The following STK31 variants were observed in gnomAD, a reference collection of about 807,000 sequenced individuals.
The protein encoded by STK31 is serine/threonine kinase 31, also known as serine/threonine-protein kinase 31.
Under a neutral mutation model 129.7 loss-of-function variants are expected in STK31, and 89 were observed. The observed-to-expected ratio is 0.69, with a 90% CI of 0.58 to 0.82. STK31 has a LOEUF of 0.82. Among genes scored for constraint, STK31 ranks in the 40% least tolerant of loss-of-function variants. STK31 has a pLI of 0.00. For missense variants in STK31, 1,187 were observed against 1,176.4 expected (o/e 1.01, Z -0.13); for synonymous variants, 448 against 395.3 (o/e 1.13, Z -1.58).
intron 6 of STK31, among the ~76,000 whole-genome samples, chr7:23,730,856 T>TTATACATA: frequency 1.3e-5 from 1 of 75,240 alleles, no homozygotes; most frequent in Admixed American, 2.0e-4. Flanking sequence ...ATATAAACAT[T>TTATACATA]TATATATATA....
At position 23,710,271 on chromosome 7, in the gene STK31, G is replaced by T; in HGVS notation, c.-15G>T. On this transcript the variant is annotated 5_prime_UTR_variant, in exon 1 of 24. Transcript: ENST00000355870. Reference sequence around the variant, plus strand: ...TGCACGTGTGCTACGGCGGGCGGAGGGCCGAAAGTCCAGTATGTGGGTCCA... The same window carrying T: ...TGCACGTGTGCTACGGCGGGCGGAGTGCCGAAAGTCCAGTATGTGGGTCCA... 6.2e-7 allele frequency: 1 copy of T among 1,611,552 alleles called. No individual in the cohort carries two copies. The highest frequency in any genetic ancestry group is 8.5e-7 in the Non-Finnish European group (1 of 1,179,676).
intron 22 of STK31, among the ~76,000 whole-genome samples, chr7:23,802,015 T>C (rs560078618): frequency 6.6e-6 from 1 of 152,336 alleles, no homozygotes; most frequent in African/African-American, 2.4e-5. Flanking sequence ...CTTTTTTGTA[T>C]ATATTTTATT....
At chr7:23,786,407 G>A in intron 18 of STK31, 101 bp from the exon 19 acceptor site, 1 of 1,185,378 alleles carries the variant, frequency 8.4e-7, no homozygotes, top group African/African-American at 1.6e-5. Context: ...AATTAGATTT[G>A]ATTTAACTTA....
chr7:23,807,325 T>C (rs1792772569), intron 22 of STK31, among the ~76,000 whole-genome samples: 1 of 152,170 alleles, frequency 6.6e-6, no homozygotes, highest in African/African-American at 2.4e-5. Context: ...GGGAATAGAA[T>C]TCTGGATTGG....
chr7:23,754,331 G>A lies in STK31; in HGVS notation c.1150G>A (p.Val384Ile). 1 of 1,610,662 alleles carries A rather than the reference G, an allele frequency of 6.2e-7. No individual in the cohort carries two copies. Among genetic ancestry groups the A allele is most frequent in the Non-Finnish European group, 8.5e-7 (1 of 1,179,286 alleles). Residue 384 changes from valine to isoleucine, a missense_variant, in exon 10 of 24, where the codon GTC becomes ATC. Physicochemically the swap from Val to Ile is conservative, Grantham distance 29. Coordinates refer to ENST00000355870, the MANE Select transcript of STK31 (RefSeq NM_031414.5). ...LKEMRHVDIS[V>I]RFGKDLSDAI... ...TAAAAATAGGCATGTCGACATCAGT[G>A]TCCGTTTCGGAAAAGACCTTTCAGA... is the stretch of plus-strand genomic sequence containing the variant.
At chr7:23,798,759 G>A (rs1264865810) in intron 22 of STK31, among the ~76,000 whole-genome samples, 1 of 152,134 alleles carries the variant, frequency 6.6e-6, no homozygotes, top group Non-Finnish European at 1.5e-5. Flanking sequence ...GGGCAATCAG[G>A]CAAGAGAAAG....
At chr7:23,724,202 T>C (rs1407107470) in intron 4 of STK31, among the ~76,000 whole-genome samples, 1 of 152,200 alleles carries the variant, frequency 6.6e-6, no homozygotes, top group African/African-American at 2.4e-5. Context: ...TATGTTGTTA[T>C]CTCTTTGAAA....
At chr7:23,821,358 C>A (rs552184033) in intron 23 of STK31, among the ~76,000 whole-genome samples, 1 of 152,066 alleles carries the variant, frequency 6.6e-6, no homozygotes. Context: ...TAGTGGCATT[C>A]TAGCTGATGT....
intron 11 of STK31, among the ~76,000 whole-genome samples, chr7:23,768,453 T>C (rs1418219370): frequency 6.6e-6 from 1 of 152,216 alleles, no homozygotes; most frequent in Non-Finnish European, 1.5e-5. Context: ...ATTATTTGTA[T>C]ATTTTAGCGT....
rs117369149 is a variant in STK31, at chr7:23,733,149, C to T, written c.484-2389C>T. ...TTTATGCCTTGGAAAATTTATAAAA[C>T]CTGTGTTTTTGTTAACCTAAAGTAT... On this transcript the variant is annotated intron_variant, in intron 6 of 23. Transcript: ENST00000355870. Among the ~76,000 whole-genome samples the T allele has an allele frequency of 6.7e-3, 1,016 of 151,496 alleles. 10 individuals are homozygous for T. Among genetic ancestry groups the T allele is most frequent in the Middle Eastern group, 0.02 (6 of 294 alleles).
intron 22 of STK31, among the ~76,000 whole-genome samples, chr7:23,805,818 C>A (rs4722275): frequency 0.99 from 151,293 of 152,354 alleles, 75,134 homozygotes; most frequent in Middle Eastern, 1. Context: ...TATTATGTCT[C>A]TTTATAACAT....
At chr7:23,776,811 C>A (rs1211570102) in intron 15 of STK31, among the ~76,000 whole-genome samples, 1 of 152,012 alleles carries the variant, frequency 6.6e-6, no homozygotes, top group Admixed American at 6.6e-5. Context: ...TTTTTCATGT[C>A]TCTATCTCCT....
At chr7:23,762,736 A>C (rs542464183) in intron 10 of STK31, 65 bp from the exon 11 acceptor site, 5 of 1,563,114 alleles carry the variant, frequency 3.2e-6, no homozygotes, top group Non-Finnish European at 4.3e-6. Flanking sequence ...ACTTTTTTTC[A>C]TATAGGTCAT....
chr7:23,770,103 A>C lies in STK31; in HGVS notation c.1713+347A>C, dbSNP rs535443570. Among the ~76,000 whole-genome samples the C allele has an allele frequency of 2.0e-5, 3 of 152,172 alleles. No homozygotes were observed. The South Asian group carries it at 6.2e-4, about 31-fold the overall frequency. ...ATGACTATAAGAAGAGACTCCTTAG[A>C]GTTTGTGAAAACTTAAAATCTGAGA... On this transcript the variant is annotated intron_variant, in intron 13 of 23. Transcript: ENST00000355870.
Position 23,738,597 on chromosome 7 carries a change from C to T in STK31, c.1017+1519C>T, listed in dbSNP as rs146231699. 1.9e-3 allele frequency among the ~76,000 whole-genome samples: 296 copies of T among 151,894 alleles called. 1 individual carries two copies. The highest frequency in any genetic ancestry group is 6.8e-3 in the African/African-American group (283 of 41,430). The stretch of plus-strand genomic sequence containing the variant: ...TTTTTTTTTTTAAACTCAAACTTGC[C>T]TTATTTATATCCCCAATGGCATGAT... On this transcript the variant is annotated intron_variant, in intron 8 of 23. Transcript: ENST00000355870.
intron 12 of STK31, 43 bp downstream of exon 12, chr7:23,769,217 G>A: frequency 6.8e-7 from 1 of 1,464,908 alleles, no homozygotes; most frequent in Non-Finnish European, 9.0e-7. Context: ...GCATAAACCA[G>A]GGAATATATA....
chr7:23,807,585 T>C (rs1032054029), intron 22 of STK31, among the ~76,000 whole-genome samples: 1 of 152,174 alleles, frequency 6.6e-6, no homozygotes, highest in South Asian at 2.1e-4. Context: ...CTTATGTTTT[T>C]CAACAAATGT....
intron 16 of STK31, among the ~76,000 whole-genome samples, chr7:23,783,225 G>A (rs945897072): frequency 2.6e-5 from 4 of 152,206 alleles, no homozygotes. Context: ...TTAGCAGTCT[G>A]TAAGTGGTTG....
intron 6 of STK31, among the ~76,000 whole-genome samples, chr7:23,731,031 C>T (rs956570018): frequency 2.0e-5 from 3 of 150,594 alleles, no homozygotes; most frequent in African/African-American, 7.3e-5. Context: ...TTACAGGCAC[C>T]CGCCACCACG....
Sources: gnomAD v4.1 joint callset for allele counts (sites outside exome capture counted in the v4.1 genomes callset) on GRCh38, gnomAD v4.1.1 for gene constraint, MANE v1.5 for transcripts, NCBI Gene and HGNC (gene_info 2026-07-23, HGNC 2026-07-21) for gene names.